Variants in GNE observed in about 807,000 individuals in gnomAD.
The protein encoded by GNE is bifunctional UDP-N-acetylglucosamine 2-epimerase/N-acetylmannosamine kinase.
A neutral mutation model predicts 61.8 loss-of-function variants in GNE; 41 were observed. The observed-to-expected ratio is 0.66, with a 90% confidence interval of 0.52 to 0.86. The LOEUF is 0.86. Ranked by LOEUF, GNE falls within the 40% of genes least tolerant of loss-of-function variation. The pLI is 0.00. For synonymous variants in GNE, 264 were observed against 326.4 expected, an observed-to-expected ratio of 0.81 and a Z score of 2.06; for missense variants, 608 against 909.1, an observed-to-expected ratio of 0.67 and a Z score of 4.26.
chr9:36,217,349 G>C lies in GNE; in HGVS notation c.*16C>G. The stretch of plus-strand genomic sequence containing the variant: ...CAGGAGCTCTGGAGAGAAGGTCCAT[G>C]TCTGTTCCTGGAGGTCTAGTAGATC... On this transcript the variant is annotated 3_prime_UTR_variant, in exon 12 of 12. Transcript: ENST00000642385. 1.3e-6 allele frequency: 2 copies of C among 1,535,488 alleles called. No individual in the cohort carries two copies. Among genetic ancestry groups the C allele is most frequent in the Non-Finnish European group, 1.8e-6 (2 of 1,109,384 alleles).
At position 36,249,282 on chromosome 9, in the gene GNE, A is replaced by G. The variant is rs1238225486; in HGVS notation, c.74T>C (p.Leu25Pro). Residue 25 changes from leucine (L) to proline (P), a missense_variant, in exon 2 of 12, where the codon CTT becomes CCT. Leu to Pro is a moderately conservative substitution (Grantham distance 98). Transcript: ENST00000642385. ...TTTAATGCCAAACATGATCGGGGCA[A>G]GTTTAGAATAATCTGCACGGTTACA... ...ATCNRADYSK[L>P]APIMFGIKTE... The G allele has an allele frequency of 1.9e-6, 3 of 1,614,098 alleles. No homozygotes were observed. The highest frequency in any genetic ancestry group is 1.7e-6 in the Non-Finnish European group (2 of 1,179,918).
chr9:36,262,133 A>G (rs1306530818), upstream of GNE, among the ~76,000 whole-genome samples: 1 of 152,126 alleles, frequency 6.6e-6, no homozygotes, highest in Non-Finnish European at 1.5e-5. Flanking sequence ...CGTAATATAT[A>G]TGTACCTTTT....
At chr9:36,224,869 C>CA (rs1439187636) in intron 7 of GNE, among the ~76,000 whole-genome samples, 6 of 151,958 alleles carry the variant, frequency 3.9e-5, no homozygotes, top group African/African-American at 1.5e-4. Flanking sequence ...AACCCTGTCT[C>CA]AAAAAAATAA....
At chr9:36,247,287 C>T (rs1016039531) in intron 2 of GNE, among the ~76,000 whole-genome samples, 1 of 151,894 alleles carries the variant, frequency 6.6e-6, no homozygotes, top group African/African-American at 2.4e-5. Context: ...AATCTCTTGA[C>T]CTCGTGATCC....
intron 10 of GNE, among the ~76,000 whole-genome samples, chr9:36,219,043 G>A (rs952400551): frequency 5.9e-5 from 9 of 152,102 alleles, no homozygotes; most frequent in African/African-American, 1.7e-4. Context: ...ATCCCCAGCT[G>A]TGCAAACTGC....
At position 36,223,505 on chromosome 9, in the gene GNE, A is replaced by G; in HGVS notation, c.1282-3T>C. On this transcript the variant is annotated splice_polypyrimidine_tract_variant and splice_region_variant and intron_variant, in intron 7 of 11. Coordinates refer to ENST00000642385, the MANE Select transcript of GNE (RefSeq NM_005476.7). ...GTATACTTCTTAACTATTTCACCCT[A>G]AAAGAGAAAACAACAAGTTCCGTCT... 6.2e-7 allele frequency: 1 copy of G among 1,610,890 alleles called. No individual in the cohort carries two copies. Among genetic ancestry groups the G allele is most frequent in the South Asian group, 1.1e-5 (1 of 91,000 alleles).
intron 1 of GNE, among the ~76,000 whole-genome samples, chr9:36,257,609 C>G (rs1830415466): frequency 6.6e-6 from 1 of 151,442 alleles, no homozygotes; most frequent in Non-Finnish European, 1.5e-5. Context: ...CGAGACCATC[C>G]TGGCTAACAT....
intron 2 of GNE, among the ~76,000 whole-genome samples, chr9:36,247,975 G>A (rs938204545): frequency 5.0e-5 from 7 of 141,046 alleles, no homozygotes; most frequent in African/African-American, 1.6e-4. Context: ...GCAGTGAGCC[G>A]AGATCACGCC....
At chr9:36,228,119 G>C (rs886819601) in intron 6 of GNE, among the ~76,000 whole-genome samples, 29 of 150,784 alleles carry the variant, frequency 1.9e-4, no homozygotes, top group African/African-American at 7.1e-4. Context: ...AGAACATCAT[G>C]TTGTACACAA....
rs1439485329 is a variant in GNE at position 36,217,049 on chromosome 9, A to G, written c.*316T>C. ...CTGAAGGTCTCAGTGGTATTAATAC[A>G]TTAGTAAGCAGAGTTCTAAGAAGGC... On this transcript the variant is annotated 3_prime_UTR_variant, in exon 12 of 12. Coordinates refer to ENST00000642385, the MANE Select transcript of GNE (RefSeq NM_005476.7). 2 of 403,064 alleles carry G rather than the reference A, an allele frequency of 5.0e-6. No individual in the cohort carries two copies. Among genetic ancestry groups the G allele is most frequent in the East Asian group, 5.6e-5 (1 of 17,838 alleles). 25.0% of individuals were successfully genotyped at this position (403,064 alleles called of 1,614,324 possible).
upstream of GNE, among the ~76,000 whole-genome samples, chr9:36,258,832 A>G (rs1830509522): frequency 6.6e-6 from 1 of 152,214 alleles, no homozygotes; most frequent in Non-Finnish European, 1.5e-5. Flanking sequence ...CAGGACCGCA[A>G]CTATACTGTC....
rs1024615466 is a variant in GNE, at chr9:36,215,565, C to T, written c.*1800G>A. 6.6e-6 allele frequency: 1 copy of T among 152,176 alleles called. No homozygotes were observed. The highest frequency in any genetic ancestry group is 1.9e-4 in the East Asian group (1 of 5,194). 9.4% of individuals were successfully genotyped at this position (152,176 alleles called of 1,614,324 possible). Reference sequence around the variant, plus strand: ...AGAGGGACCTGGGATCAAACCCTCTCTCTAGCCCCATAGCTTAACAGTCAA... The same window carrying T: ...AGAGGGACCTGGGATCAAACCCTCTTTCTAGCCCCATAGCTTAACAGTCAA... On this transcript the variant is annotated 3_prime_UTR_variant, in exon 12 of 12. Transcript: ENST00000642385.
intron 1 of GNE, among the ~76,000 whole-genome samples, chr9:36,276,336 CTATAG>C (rs1831261234): frequency 6.6e-6 from 1 of 152,250 alleles, no homozygotes; most frequent in South Asian, 2.1e-4. Flanking sequence ...ATAAACTACA[CTATAG>C]TATAGCACAC....
intron 3 of GNE, among the ~76,000 whole-genome samples, chr9:36,242,174 A>AG (rs1039841036): frequency 3.3e-5 from 5 of 152,016 alleles, no homozygotes; most frequent in African/African-American, 7.2e-5. Context: ...GAAAAAAAAA[A>AG]AGAAGTTGCA....
intron 1 of GNE, among the ~76,000 whole-genome samples, chr9:36,269,116 C>T (rs932558192): frequency 7.7e-5 from 11 of 142,544 alleles, no homozygotes; most frequent in African/African-American, 2.1e-4. Context: ...GGCAACAGAG[C>T]GAGACTCCGT....
At chr9:36,257,868 C>T (rs1288720510) in intron 1 of GNE, among the ~76,000 whole-genome samples, 1 of 131,522 alleles carries the variant, frequency 7.6e-6, no homozygotes, top group Non-Finnish European at 1.6e-5. Flanking sequence ...TAACGTTTCT[C>T]AAATATACAA....
chr9:36,218,028 C>G lies in GNE; in HGVS notation c.1933+155G>C, dbSNP rs1828408820. Among the ~76,000 whole-genome samples, 1 of 152,160 alleles carries G rather than the reference C, an allele frequency of 6.6e-6. No homozygotes were observed. Among genetic ancestry groups the G allele is most frequent in the South Asian group, 2.1e-4 (1 of 4,814 alleles). ...CTGCCAAATACCTTGAATCCAATTC[C>G]CTTTTTACCTCTGAGTAATTAGGAA... On this transcript the variant is annotated intron_variant, in intron 11 of 11. Coordinates refer to ENST00000642385, the MANE Select transcript of GNE (RefSeq NM_005476.7). The surrounding 1 kb of genome is among the most constrained non-coding windows in gnomAD (Gnocchi z 4.1).
chr9:36,253,807 G>GCAAGAAGGAC (rs1830216252), intron 1 of GNE, among the ~76,000 whole-genome samples: 1 of 151,490 alleles, frequency 6.6e-6, no homozygotes, highest in African/African-American at 2.4e-5. Context: ...GGAGGCTGAG[G>GCAAGAAGGAC]TGGGCGGATC....
chr9:36,246,491 G>A lies in GNE; in HGVS notation c.165-9C>T, dbSNP rs760509369. ...TCATTCGATATGTATTTCTAAAGCC[G>A]GGGAGAAATAAAGATATAAGAACAT... On this transcript the variant is annotated splice_polypyrimidine_tract_variant and intron_variant, in intron 2 of 11. Coordinates refer to ENST00000642385, the MANE Select transcript of GNE (RefSeq NM_005476.7). The A allele has an allele frequency of 3.8e-5, 60 of 1,597,722 alleles. No individual in the cohort carries two copies. Among genetic ancestry groups the A allele is most frequent in the South Asian group, 8.8e-5 (8 of 90,696 alleles).
Sources: gnomAD v4.1 joint callset for allele counts (sites outside exome capture counted in the v4.1 genomes callset) on GRCh38, gnomAD v4.1.1 for gene constraint, Gnocchi (gnomAD v3.1) non-coding constraint, MANE v1.5 for transcripts, NCBI Gene and HGNC (gene_info 2026-07-23, HGNC 2026-07-21) for gene names.